Variants in FMNL2 observed in about 807,000 individuals in gnomAD.
FMNL2 encodes the protein formin-like protein 2.
A neutral mutation model predicts 130.2 loss-of-function variants in FMNL2; 51 were observed. That is an observed-to-expected ratio of 0.39 (90% CI 0.31 to 0.49). FMNL2 has a LOEUF of 0.49. FMNL2 is among the 20% of genes least tolerant of loss of function. The pLI is 0.85. For synonymous variants in FMNL2, 465 were observed against 467.1 expected (o/e 1.00, Z 0.06); for missense variants, 977 against 1,316.2 (o/e 0.74, Z 3.99).
chr2:152,530,252 A>G (rs967756583), intron 2 of FMNL2, among the ~76,000 whole-genome samples: 2 of 152,212 alleles, frequency 1.3e-5, no homozygotes, highest in African/African-American at 4.8e-5. Flanking sequence ...CAGGTTAGCT[A>G]AGAATTTCTA....
In FMNL2 at chr2:152,474,387, A is replaced by G. The variant is rs1690027749; in HGVS notation, c.118-47556A>G. 2.0e-5 allele frequency among the ~76,000 whole-genome samples: 3 copies of G among 152,266 alleles called. No homozygotes were observed. In the South Asian group the frequency reaches 6.2e-4, roughly 32 times the overall value. ...AAATGAGCTTCACTTACTTTATATA[A>G]TTAAGATGCAGTCAGAGCTGGGTGC... is the stretch of plus-strand genomic sequence containing the variant. On this transcript the variant is annotated intron_variant, in intron 1 of 25. Coordinates refer to ENST00000288670, the MANE Select transcript of FMNL2 (RefSeq NM_052905.4).
At chr2:152,492,199 G>A (rs1301502638) in intron 1 of FMNL2, among the ~76,000 whole-genome samples, 1 of 151,552 alleles carries the variant, frequency 6.6e-6, no homozygotes, top group Non-Finnish European at 1.5e-5. Context: ...TCTTCATTCC[G>A]TCCCCCACCC....
intron 12 of FMNL2, among the ~76,000 whole-genome samples, chr2:152,616,177 A>C (rs1257132910): frequency 6.6e-6 from 1 of 152,114 alleles, no homozygotes; most frequent in African/African-American, 2.4e-5. Flanking sequence ...CCTATGTGAA[A>C]AGCAGCTGTT....
intron 1 of FMNL2, among the ~76,000 whole-genome samples, chr2:152,424,138 G>A (rs549801294): frequency 6.9e-4 from 105 of 152,116 alleles, no homozygotes; most frequent in African/African-American, 2.4e-3. Context: ...ATTCCCTCTC[G>A]GCCTCAAAGG....
At chr2:152,640,181 C>G (rs2105965436) in intron 24 of FMNL2, 125 bp downstream of exon 24, 1 of 721,188 alleles carries the variant, frequency 1.4e-6, no homozygotes, top group Admixed American at 3.3e-5. Context: ...CTTCTGGTGC[C>G]TGGACACTTG....
At chr2:152,498,191 C>T (rs1691622728) in intron 1 of FMNL2, among the ~76,000 whole-genome samples, 1 of 152,036 alleles carries the variant, frequency 6.6e-6, no homozygotes, top group African/African-American at 2.4e-5. Flanking sequence ...ATGACATGTG[C>T]CCCAGAAAGC....
intron 25 of FMNL2, among the ~76,000 whole-genome samples, chr2:152,642,230 A>G (rs777300390): frequency 6.6e-5 from 10 of 152,136 alleles, no homozygotes; most frequent in East Asian, 1.9e-4. Flanking sequence ...GTGAGCCACC[A>G]TGCCCAGCCT....
chr2:152,416,277 T>C (rs1323251312), intron 1 of FMNL2, among the ~76,000 whole-genome samples: 1 of 152,146 alleles, frequency 6.6e-6, no homozygotes, highest in East Asian at 1.9e-4. Flanking sequence ...GATACAAAGA[T>C]ACCTCCAGAG....
intron 1 of FMNL2, among the ~76,000 whole-genome samples, chr2:152,405,040 C>T (rs1025789310): frequency 5.0e-4 from 76 of 152,200 alleles, no homozygotes; most frequent in African/African-American, 1.7e-3. Flanking sequence ...AAGGCACATC[C>T]GTATTCTGAC....
chr2:152,601,362 A>G (rs1300156952), intron 9 of FMNL2, among the ~76,000 whole-genome samples: 2 of 142,182 alleles, frequency 1.4e-5, no homozygotes, highest in Non-Finnish European at 3.0e-5. Flanking sequence ...GTGCAGTGGC[A>G]CGATCTCGGC....
At chr2:152,517,455 T>C (rs754523097) in intron 1 of FMNL2, among the ~76,000 whole-genome samples, 1 of 152,056 alleles carries the variant, frequency 6.6e-6, no homozygotes, top group Non-Finnish European at 1.5e-5. Flanking sequence ...CAGTGGGAAA[T>C]TTAGGTAAGC....
At chr2:152,418,241 C>CTT (rs573409201) in intron 1 of FMNL2, among the ~76,000 whole-genome samples, 338 of 152,164 alleles carry the variant, frequency 2.2e-3, no homozygotes, top group African/African-American at 7.9e-3. Context: ...TGGTGATTTT[C>CTT]TTTTTCATTT....
At chr2:152,359,927 G>A (rs560502454) in intron 1 of FMNL2, among the ~76,000 whole-genome samples, 3 of 152,282 alleles carry the variant, frequency 2.0e-5, no homozygotes, top group South Asian at 2.1e-4. Flanking sequence ...CCACTCTGAC[G>A]TCATTTGAAC....
intron 2 of FMNL2, among the ~76,000 whole-genome samples, chr2:152,541,531 G>T (rs2105490334): frequency 6.6e-6 from 1 of 152,246 alleles, no homozygotes; most frequent in Non-Finnish European, 1.5e-5. Context: ...CTCAGATCAA[G>T]AAATAGAACT....
rs748162517 is a variant in FMNL2 at position 152,619,541 on chromosome 2, C to CCGT, written c.1662_1663insTCG (p.Pro554_Pro555insSer). The stretch of plus-strand genomic sequence containing the variant: ...TGGTCCAGTAACACCACCTATGCCA[C>CCGT]CGCCGCCGCCGCCCCCTCCTCCACC... On this transcript the variant is annotated inframe_insertion, in exon 15 of 26. Transcript: ENST00000288670. 5.7e-6 allele frequency: 8 copies of CCGT among 1,393,790 alleles called. No individual in the cohort carries two copies. The highest frequency in any genetic ancestry group is 7.4e-6 in the Non-Finnish European group (8 of 1,075,450). 86.3% of individuals were successfully genotyped at this position (1,393,790 alleles called of 1,614,324 possible).
At chr2:152,629,945 C>T (rs375779158) in intron 20 of FMNL2, 40 bp downstream of exon 20, 10 of 1,546,832 alleles carry the variant, frequency 6.5e-6, no homozygotes, top group East Asian at 4.6e-5. Flanking sequence ...GTTTGAAGGA[C>T]AGATGGCTGG....
At chr2:152,410,944 G>A (rs1032294602) in intron 1 of FMNL2, among the ~76,000 whole-genome samples, 20 of 152,130 alleles carry the variant, frequency 1.3e-4, no homozygotes, top group African/African-American at 4.6e-4. Context: ...TCCCCTCTGT[G>A]CTTGCTACAG....
chr2:152,619,787 T>G, intron 15 of FMNL2, 69 bp downstream of exon 15: 2 of 1,548,886 alleles, frequency 1.3e-6, no homozygotes, highest in Non-Finnish European at 1.7e-6. Context: ...GAGTTGAAGC[T>G]ATTCTTTCAA....
intron 1 of FMNL2, among the ~76,000 whole-genome samples, chr2:152,363,788 C>T (rs1359934334): frequency 1.3e-5 from 2 of 152,180 alleles, no homozygotes; most frequent in African/African-American, 4.8e-5. Context: ...TCTCGAACTC[C>T]TGACCTCAGG....
Sources: allele counts gnomAD v4.1 joint callset (sites outside exome capture counted in the v4.1 genomes callset), GRCh38; gene constraint gnomAD v4.1.1; transcripts MANE v1.5; gene names NCBI Gene and HGNC (gene_info 2026-07-23, HGNC 2026-07-21).